ST3GAL3: variants seen among roughly 807,000 people sequenced by gnomAD.
ST3GAL3 encodes the protein CMP-N-acetylneuraminate-beta-1,4-galactoside alpha-2,3-sialyltransferase.
In ST3GAL3, 21 loss-of-function variants were observed where a neutral mutation model predicts 50.1. That is an observed-to-expected ratio of 0.42 (90% CI 0.30 to 0.60). The LOEUF is 0.60. Ranked by LOEUF, ST3GAL3 falls within the 20% of genes least tolerant of loss-of-function variation. The pLI is 0.19. For synonymous variants in ST3GAL3, 183 were observed against 190.0 expected (o/e 0.96, Z 0.30); for missense variants, 353 against 489.4 (o/e 0.72, Z 2.63).
intron 11 of ST3GAL3, among the ~76,000 whole-genome samples, chr1:43,923,272 A>G (rs929001677): frequency 6.6e-6 from 1 of 151,888 alleles, no homozygotes; most frequent in African/African-American, 2.4e-5. Flanking sequence ...TCAAAAAAAA[A>G]AAAAAAAAAG....
chr1:43,742,620 A>G (rs949090454), intron 2 of ST3GAL3, among the ~76,000 whole-genome samples: 2 of 152,356 alleles, frequency 1.3e-5, no homozygotes, highest in South Asian at 2.1e-4. Flanking sequence ...AGAAAAATCT[A>G]TGGATAAGAT....
At chr1:43,907,109 T>A (rs1406270474) in intron 9 of ST3GAL3, among the ~76,000 whole-genome samples, 1 of 152,210 alleles carries the variant, frequency 6.6e-6, no homozygotes, top group Non-Finnish European at 1.5e-5. Flanking sequence ...ATGCATCATC[T>A]CAGCCAGCCA....
intron 9 of ST3GAL3, among the ~76,000 whole-genome samples, chr1:43,917,585 TTATA>T (rs1309512697): frequency 1.6e-5 from 1 of 61,412 alleles, no homozygotes; most frequent in Non-Finnish European, 2.9e-5. Context: ...ATATTACGTA[TTATA>T]TATAATATAT....
chr1:43,878,935 GACCCTCCAGATAATTAC>G (rs2074592494), intron 5 of ST3GAL3: 1 of 441,628 alleles, frequency 2.3e-6, no homozygotes, highest in Non-Finnish European at 4.6e-6. Context: ...TTCACATGGA[GACCCTCCAGATAATTAC>G]ACCCTCCAGA....
At chr1:43,817,853 C>T (rs1340848889) in intron 4 of ST3GAL3, among the ~76,000 whole-genome samples, 1 of 134,754 alleles carries the variant, frequency 7.4e-6, no homozygotes, top group Non-Finnish European at 1.6e-5. Flanking sequence ...TCTCCTTCTC[C>T]TCCTCCTCCT....
chr1:43,870,855 G>A (rs2072530002), intron 5 of ST3GAL3, among the ~76,000 whole-genome samples: 1 of 152,180 alleles, frequency 6.6e-6, no homozygotes, highest in African/African-American at 2.4e-5. Flanking sequence ...TGGTACTAGG[G>A]AACCCCAAAA....
intron 2 of ST3GAL3, among the ~76,000 whole-genome samples, chr1:43,741,863 C>A (rs150569194): frequency 3.9e-5 from 6 of 152,146 alleles, no homozygotes; most frequent in Non-Finnish European, 8.8e-5. Flanking sequence ...GTTTCCCAAC[C>A]CTGTTCTGTG....
At chr1:43,719,521 C>T (rs1301396994) in intron 1 of ST3GAL3, among the ~76,000 whole-genome samples, 4 of 151,790 alleles carry the variant, frequency 2.6e-5, no homozygotes, top group African/African-American at 4.8e-5. Flanking sequence ...ACAAATCAGG[C>T]GGGTGTGGTG....
intron 3 of ST3GAL3, among the ~76,000 whole-genome samples, chr1:43,795,132 G>T (rs558365542): frequency 3.3e-4 from 50 of 152,262 alleles, no homozygotes; most frequent in African/African-American, 1.2e-3. Context: ...AAACCTCAAT[G>T]TACAGCTAAT....
chr1:43,744,351 G>A (rs1682508400), intron 2 of ST3GAL3, among the ~76,000 whole-genome samples: 1 of 151,856 alleles, frequency 6.6e-6, no homozygotes, highest in African/African-American at 2.4e-5. Flanking sequence ...CTGGGTTCAA[G>A]CGATTCTCCT....
At chr1:43,815,238 G>A (rs2061088575) in intron 4 of ST3GAL3, among the ~76,000 whole-genome samples, 1 of 152,170 alleles carries the variant, frequency 6.6e-6, no homozygotes, top group South Asian at 2.1e-4. Context: ...CTGCAGGGTA[G>A]AGGACAGTTG....
chr1:43,890,905 G>T (rs1283993831), intron 5 of ST3GAL3, among the ~76,000 whole-genome samples: 1 of 151,938 alleles, frequency 6.6e-6, no homozygotes, highest in Non-Finnish European at 1.5e-5. Flanking sequence ...AACAATATCC[G>T]AATGCAACTG....
intron 2 of ST3GAL3, among the ~76,000 whole-genome samples, chr1:43,782,756 G>A (rs1699779684): frequency 6.6e-6 from 1 of 152,138 alleles, no homozygotes; most frequent in Admixed American, 6.5e-5. Context: ...GCCTTATGAG[G>A]TGGGTTCTAT....
intron 5 of ST3GAL3, among the ~76,000 whole-genome samples, chr1:43,845,895 ATTAG>A (rs2066174053): frequency 6.6e-6 from 1 of 152,158 alleles, no homozygotes; most frequent in Non-Finnish European, 1.5e-5. Context: ...ACTTCGGCCT[ATTAG>A]TTCTTTGGAA....
At chr1:43,875,956 A>C (rs35542895) in intron 5 of ST3GAL3, among the ~76,000 whole-genome samples, 1,190 of 73,804 alleles carry the variant, frequency 0.016, 12 homozygotes, top group Non-Finnish European at 0.025. Context: ...TCTTCTTATT[A>C]TTATTATTAT....
intron 2 of ST3GAL3, among the ~76,000 whole-genome samples, chr1:43,742,152 T>TG (rs989583690): frequency 7.2e-5 from 11 of 152,122 alleles, no homozygotes; most frequent in Non-Finnish European, 1.2e-4. Flanking sequence ...CAAGTCCTGT[T>TG]GGGGTGAAAG....
At chr1:43,782,942 T>G (rs1385728401) in intron 2 of ST3GAL3, among the ~76,000 whole-genome samples, 1 of 152,178 alleles carries the variant, frequency 6.6e-6, no homozygotes, top group Non-Finnish European at 1.5e-5. Context: ...AATATTTAAT[T>G]ACAGGATGCT....
intron 4 of ST3GAL3, among the ~76,000 whole-genome samples, chr1:43,817,472 T>C (rs954641634): frequency 4.7e-5 from 7 of 150,274 alleles, no homozygotes; most frequent in African/African-American, 1.7e-4. Flanking sequence ...CTTCTTCTCC[T>C]TCTCCTTGTT....
chr1:43,746,336 G>A (rs569391689), intron 2 of ST3GAL3, among the ~76,000 whole-genome samples: 1 of 152,164 alleles, frequency 6.6e-6, no homozygotes, highest in Non-Finnish European at 1.5e-5. Flanking sequence ...AGAGGGGAGC[G>A]GAGAGTTCAA....
Sources: allele counts gnomAD v4.1 joint callset (sites outside exome capture counted in the v4.1 genomes callset), GRCh38; gene constraint gnomAD v4.1.1; transcripts MANE v1.5; gene names NCBI Gene and HGNC (gene_info 2026-07-23, HGNC 2026-07-21).